The following TSC1 variants were observed in gnomAD, a reference collection of about 807,000 sequenced individuals.
TSC1 encodes TSC complex subunit 1, also known as hamartin.
Under a neutral mutation model 124.3 loss-of-function variants are expected in TSC1, and 20 were observed. That is an observed-to-expected ratio of 0.16 (90% CI 0.11 to 0.23). TSC1 has a LOEUF of 0.23. Ranked by LOEUF, TSC1 falls within the 10% of genes least tolerant of loss-of-function variation. The pLI, the probability that TSC1 is intolerant of heterozygous loss-of-function variation, is 1.00. For synonymous variants in TSC1, 493 were observed against 539.1 expected, an observed-to-expected ratio of 0.91 and a Z score of 1.19; for missense variants, 1,124 against 1,448.5, an observed-to-expected ratio of 0.78 and a Z score of 3.64.
At position 132,902,893 on chromosome 9, in the gene TSC1, G is replaced by A; in HGVS notation, c.2209-106C>T. On this transcript the variant is annotated intron_variant, in intron 17 of 22. Coordinates refer to ENST00000298552, the MANE Select transcript of TSC1 (RefSeq NM_000368.5). This position sits in a 1 kb window ranked among gnomAD's most constrained non-coding sequence, Gnocchi z 5.2. ...AATAGTCATAAGCTACCCTGAAAATGTAACTAACTACAGACCAAAACTCTT... is the reference window on the plus strand; with the variant it reads ...AATAGTCATAAGCTACCCTGAAAATATAACTAACTACAGACCAAAACTCTT... The A allele has an allele frequency of 3.5e-6, 5 of 1,433,094 alleles. No homozygotes were observed. Among genetic ancestry groups the A allele is most frequent in the Non-Finnish European group, 4.9e-6 (5 of 1,027,400 alleles). 88.8% of individuals were successfully genotyped at this position (1,433,094 alleles called of 1,614,324 possible). A position where few individuals can be genotyped will look rare whatever the true frequency, so the allele number is the denominator to read the frequency against.
chr9:132,928,687 G>T, intron 3 of TSC1, 80 bp downstream of exon 3: 3 of 1,570,290 alleles, frequency 1.9e-6, no homozygotes, highest in South Asian at 2.3e-5. Context: ...AAACTAAAAT[G>T]TATCAGCAGG....
Position 132,921,234 on chromosome 9 carries a change from C to G in TSC1, c.737+129G>C. 2.1e-6 allele frequency: 2 copies of G among 972,196 alleles called. No homozygotes were observed. The highest frequency in any genetic ancestry group is 3.2e-6 in the Non-Finnish European group (2 of 624,004). 60.2% of individuals were successfully genotyped at this position (972,196 alleles called of 1,614,324 possible). The stretch of plus-strand genomic sequence containing the variant: ...CACACAAATTTTAGCTGTATGAGTG[C>G]TTCCAAGTGGACTGATTCTGTAAGT... On this transcript the variant is annotated intron_variant, in intron 8 of 22. Coordinates refer to ENST00000298552, the MANE Select transcript of TSC1 (RefSeq NM_000368.5). The surrounding 1 kb of genome is among the most constrained non-coding windows in gnomAD (Gnocchi z 4.3).
chr9:132,938,942 T>C (rs948534005), intron 1 of TSC1: 5 of 152,184 alleles, frequency 3.3e-5, no homozygotes, highest in Non-Finnish European at 7.3e-5. Context: ...TAAGATAATT[T>C]TGTACACATT....
In TSC1 at chr9:132,896,021, G is replaced by A; in HGVS notation, c.*214C>T. 1 of 645,426 alleles carries A rather than the reference G, an allele frequency of 1.5e-6. No homozygotes were observed. Among genetic ancestry groups the A allele is most frequent in the Admixed American group, 2.5e-5 (1 of 40,676 alleles). 40.0% of individuals were successfully genotyped at this position (645,426 alleles called of 1,614,324 possible). A position where few individuals can be genotyped will look rare whatever the true frequency, so the allele number is the denominator to read the frequency against. On this transcript the variant is annotated 3_prime_UTR_variant, in exon 23 of 23. Coordinates refer to ENST00000298552, the MANE Select transcript of TSC1 (RefSeq NM_000368.5). The surrounding 1 kb of genome is among the most constrained non-coding windows in gnomAD (Gnocchi z 4.5). The stretch of plus-strand genomic sequence containing the variant: ...AACACACTGCGAGGTAAATGAGAGG[G>A]GGTTAGGGCGGGTGGAGGGGAAGGT...
At chr9:132,897,109 A>G in intron 22 of TSC1, 75 bp downstream of exon 22, 1 of 1,607,156 alleles carries the variant, frequency 6.2e-7, no homozygotes, top group East Asian at 2.2e-5. Context: ...ACTGCTTCCC[A>G]CACCACGTGA....
chr9:132,900,509 G>C, intron 20 of TSC1: 1 of 704,764 alleles, frequency 1.4e-6, no homozygotes, highest in Non-Finnish European at 2.4e-6. Context: ...TTCAGTGTGA[G>C]TTAACTTCAA....
In TSC1 at chr9:132,923,069, C is replaced by T. The variant is rs1846653236; in HGVS notation, c.508+279G>A. Reference sequence around the variant, plus strand: ...TGCAATACAGACGGAGGCTGTTTTTCAGTTTATCAACAATCATAAAGTTTT... The same window carrying T: ...TGCAATACAGACGGAGGCTGTTTTTTAGTTTATCAACAATCATAAAGTTTT... On this transcript the variant is annotated intron_variant, in intron 6 of 22. Transcript: ENST00000298552. The surrounding 1 kb of genome is among the most constrained non-coding windows in gnomAD (Gnocchi z 4.2). Among the ~76,000 whole-genome samples the T allele has an allele frequency of 6.6e-6, 1 of 152,168 alleles. No homozygotes were observed. Among genetic ancestry groups the T allele is most frequent in the Admixed American group, 6.5e-5 (1 of 15,276 alleles).
chr9:132,892,124 CAGG>C lies in TSC1; in HGVS notation c.*4108_*4110del, dbSNP rs1191966571. 1 of 233,076 alleles carries C rather than the reference CAGG, an allele frequency of 4.3e-6. No homozygotes were observed. The highest frequency in any genetic ancestry group is 2.2e-5 in the African/African-American group (1 of 45,342). The allele number at this position is 233,076 out of a possible 1,614,324, so 14.4% of individuals were successfully genotyped here. A position where few individuals can be genotyped will look rare whatever the true frequency, so the allele number is the denominator to read the frequency against. On this transcript the variant is annotated 3_prime_UTR_variant, in exon 23 of 23. Coordinates refer to ENST00000298552, the MANE Select transcript of TSC1 (RefSeq NM_000368.5). ...CCCTCAGGCGAGCAGATAAGGACTG[CAGG>C]ACGGCATGGAAGAGACAGGAACACG...
Position 132,893,163 on chromosome 9 carries a change from G to A in TSC1, c.*3072C>T, listed in dbSNP as rs1007032477. 2 of 233,108 alleles carry A rather than the reference G, an allele frequency of 8.6e-6. No individual in the cohort carries two copies. Among genetic ancestry groups the A allele is most frequent in the South Asian group, 1.8e-4 (1 of 5,524 alleles). The allele number at this position is 233,108 out of a possible 1,614,324, so 14.4% of individuals were successfully genotyped here. On this transcript the variant is annotated 3_prime_UTR_variant, in exon 23 of 23. Transcript: ENST00000298552. ...TCTTCAAGCTTAGTAAGAAGATTCCGCAGCTTAGTCCCAAAGGTCAGGCAG... is the reference window on the plus strand; with the variant it reads ...TCTTCAAGCTTAGTAAGAAGATTCCACAGCTTAGTCCCAAAGGTCAGGCAG...
At chr9:132,944,632 G>C (rs959392590), upstream of TSC1, 7 of 398,706 alleles carry the variant, frequency 1.8e-5, no homozygotes, top group Non-Finnish European at 3.1e-5. Context: ...CTCCCCCGTC[G>C]TGAAAGGGCC....
In TSC1 at chr9:132,894,693, TAA is replaced by T. The variant is rs748099884; in HGVS notation, c.*1540_*1541del. Reference sequence around the variant, plus strand: ...GATGCTAGAATATTTATTGCCATGCTAAAAAAAAAAAAAAAAAAAAAAGACTT... The same window carrying T: ...GATGCTAGAATATTTATTGCCATGCTAAAAAAAAAAAAAAAAAAAAGACTT... On this transcript the variant is annotated 3_prime_UTR_variant, in exon 23 of 23. Transcript: ENST00000298552. 4,644 of 111,956 alleles carry T rather than the reference TAA, an allele frequency of 0.041. 5 individuals carry two copies. The highest frequency in any genetic ancestry group is 0.08 in the Middle Eastern group (26 of 324). 6.9% of individuals were successfully genotyped at this position (111,956 alleles called of 1,614,324 possible).
In TSC1 at chr9:132,921,569, T is replaced by A. The variant is rs878929688; in HGVS notation, c.664-133A>T. ...TAACACAGATGGAACCTTGAGAACA[T>A]TATACTGAGTGAAAGAAGCCAGTCA... On this transcript the variant is annotated intron_variant, in intron 7 of 22. Coordinates refer to ENST00000298552, the MANE Select transcript of TSC1 (RefSeq NM_000368.5). The surrounding 1 kb of genome is among the most constrained non-coding windows in gnomAD (Gnocchi z 4.3). 1 of 1,130,294 alleles carries A rather than the reference T, an allele frequency of 8.8e-7. No individual in the cohort carries two copies. The highest frequency in any genetic ancestry group is 1.3e-6 in the Non-Finnish European group (1 of 760,934). 70.0% of individuals were successfully genotyped at this position (1,130,294 alleles called of 1,614,324 possible). A position where few individuals can be genotyped will look rare whatever the true frequency, so the allele number is the denominator to read the frequency against.
At position 132,901,538 on chromosome 9, in the gene TSC1, T is replaced by C. The variant is rs75802666; in HGVS notation, c.2502+51A>G. ...TTCTTTAACCTGTCTGAAGGAAGAATGTTAGCAAATGGTGTTTCAGCAGAT... is the reference window on the plus strand; with the variant it reads ...TTCTTTAACCTGTCTGAAGGAAGAACGTTAGCAAATGGTGTTTCAGCAGAT... On this transcript the variant is annotated intron_variant, in intron 19 of 22. Transcript: ENST00000298552. The C allele has an allele frequency of 0.058, 85,500 of 1,485,002 alleles. 3,559 individuals are homozygous for C. The highest frequency in any genetic ancestry group is 0.2 in the East Asian group (8,978 of 44,246). 92.0% of individuals were successfully genotyped at this position (1,485,002 alleles called of 1,614,324 possible).
At position 132,898,036 on chromosome 9, in the gene TSC1, AACATAT is replaced by A. The variant is rs371869454; in HGVS notation, c.2626-432_2626-427del. ...TGTGAATAGTACAATCAACTATGCG[AACATAT>A]ACATATACAAAACACCAAGTGAAAA... is the stretch of plus-strand genomic sequence containing the variant. On this transcript the variant is annotated intron_variant, in intron 20 of 22. Transcript: ENST00000298552. Among the ~76,000 whole-genome samples the A allele has an allele frequency of 3.5e-3, 528 of 152,390 alleles. 4 individuals are homozygous for A. The highest frequency in any genetic ancestry group is 0.012 in the African/African-American group (493 of 41,592).
chr9:132,937,857 G>C (rs963054137), intron 1 of TSC1, among the ~76,000 whole-genome samples: 14 of 152,130 alleles, frequency 9.2e-5, no homozygotes, highest in Non-Finnish European at 1.5e-4. Context: ...TGGGAATACA[G>C]GCACGCACCA....
chr9:132,905,558 AAG>A, intron 15 of TSC1, 21 bp downstream of exon 15: 2 of 1,613,392 alleles, frequency 1.2e-6, no homozygotes, highest in East Asian at 2.2e-5. Flanking sequence ...TTTAACACAG[AAG>A]AGAGTGCCCC....
chr9:132,926,676 A>G (rs1438789986), intron 4 of TSC1: 1 of 158,462 alleles, frequency 6.3e-6, no homozygotes, highest in Non-Finnish European at 1.4e-5. Flanking sequence ...AGATTTCTTT[A>G]AACAAGATCT....
intron 2 of TSC1, among the ~76,000 whole-genome samples, chr9:132,929,435 T>G (rs1418921236): frequency 6.6e-6 from 1 of 152,154 alleles, no homozygotes; most frequent in Admixed American, 6.5e-5. Flanking sequence ...ACATCTAGCA[T>G]AAACTGGGGA....
At position 132,924,119 on chromosome 9, in the gene TSC1, A is replaced by C. The variant is rs189550376; in HGVS notation, c.364-627T>G. Among the ~76,000 whole-genome samples the C allele has an allele frequency of 2.4e-3, 373 of 152,270 alleles. 1 individual carries two copies. The highest frequency in any genetic ancestry group is 4.6e-3 in the Non-Finnish European group (311 of 68,016). ...ACAGTTTAAATATTAAGTCAAATAA[A>C]TAACTTCAGGCTAACTGAAGACACT... On this transcript the variant is annotated intron_variant, in intron 5 of 22. Coordinates refer to ENST00000298552, the MANE Select transcript of TSC1 (RefSeq NM_000368.5).
Sources: allele counts gnomAD v4.1 joint callset (sites outside exome capture counted in the v4.1 genomes callset), GRCh38; gene constraint gnomAD v4.1.1; non-coding constraint Gnocchi (gnomAD v3.1); transcripts MANE v1.5; gene names NCBI Gene and HGNC (gene_info 2026-07-23, HGNC 2026-07-21).